The following AGBL4 variants were observed in gnomAD, a reference collection of about 807,000 sequenced individuals.
The protein encoded by AGBL4 is cytosolic carboxypeptidase 6.
A neutral mutation model predicts 66.4 loss-of-function variants in AGBL4; 58 were observed. The ratio of observed to expected loss-of-function variants is 0.87; its 90% confidence interval spans 0.71 to 1.09. The LOEUF (loss-of-function observed/expected upper bound fraction) is 1.09. AGBL4 is among the 50% of genes least tolerant of loss of function. AGBL4 has a pLI of 0.00. For synonymous variants in AGBL4, 234 were observed against 222.9 expected (o/e 1.05, Z -0.44); for missense variants, 579 against 631.0 (o/e 0.92, Z 0.88).
chr1:49,617,142 T>A (rs1421676526), intron 3 of AGBL4, among the ~76,000 whole-genome samples: 1 of 152,176 alleles, frequency 6.6e-6, no homozygotes, highest in Non-Finnish European at 1.5e-5. Flanking sequence ...TTTAGCCTCA[T>A]CTTCCATTAA....
chr1:49,491,890 ATATAT>A (rs1336474868), intron 3 of AGBL4, among the ~76,000 whole-genome samples: 1 of 151,974 alleles, frequency 6.6e-6, no homozygotes, highest in Non-Finnish European at 1.5e-5. Context: ...AAAACCCTGT[ATATAT>A]TATGTTTTCC....
intron 2 of AGBL4, among the ~76,000 whole-genome samples, chr1:49,730,546 AC>A (rs910911195): frequency 6.6e-6 from 1 of 152,138 alleles, no homozygotes; most frequent in Non-Finnish European, 1.5e-5. Context: ...CCAAGGAGTG[AC>A]AGAAGCTGTG....
chr1:49,290,173 T>C (rs1361879847), intron 3 of AGBL4, among the ~76,000 whole-genome samples: 1 of 152,210 alleles, frequency 6.6e-6, no homozygotes, highest in East Asian at 1.9e-4. Context: ...GACTATGGCA[T>C]GTAATAAACA....
chr1:49,195,639 C>G (rs1338514057), intron 4 of AGBL4, among the ~76,000 whole-genome samples: 5 of 152,112 alleles, frequency 3.3e-5, no homozygotes, highest in Non-Finnish European at 7.4e-5. Flanking sequence ...TGTATAAAGT[C>G]AATTTTGCAA....
At chr1:49,167,224 T>C (rs756994453) in intron 4 of AGBL4, among the ~76,000 whole-genome samples, 1 of 152,230 alleles carries the variant, frequency 6.6e-6, no homozygotes. Flanking sequence ...GTTAAACTTA[T>C]CTGCCTCTAG....
intron 5 of AGBL4, among the ~76,000 whole-genome samples, chr1:48,924,608 C>T (rs1002873429): frequency 6.6e-6 from 1 of 152,088 alleles, no homozygotes; most frequent in Non-Finnish European, 1.5e-5. Flanking sequence ...AGGATAAATT[C>T]AGGAGACATA....
chr1:48,566,542 G>A (rs778472655), intron 11 of AGBL4, among the ~76,000 whole-genome samples: 4 of 152,214 alleles, frequency 2.6e-5, no homozygotes, highest in South Asian at 2.1e-4. Context: ...TTAACTGTAC[G>A]TGTCAATTTG....
At chr1:49,346,795 A>C (rs1184763068) in intron 3 of AGBL4, among the ~76,000 whole-genome samples, 1 of 152,206 alleles carries the variant, frequency 6.6e-6, no homozygotes, top group East Asian at 1.9e-4. Flanking sequence ...CCCTTGTAAA[A>C]GAAAAGGGGG....
chr1:48,556,902 G>T (rs998493504), intron 11 of AGBL4, among the ~76,000 whole-genome samples: 6 of 152,128 alleles, frequency 3.9e-5, no homozygotes, highest in African/African-American at 1.4e-4. Context: ...CGATTCTGAT[G>T]CCTCAGCCTC....
In AGBL4 at chr1:49,746,149, T is replaced by A. The variant is rs563701419; in HGVS notation, c.158-48712A>T. Among the ~76,000 whole-genome samples, 4 of 152,046 alleles carry A rather than the reference T, an allele frequency of 2.6e-5. No homozygotes were observed. In the South Asian group the frequency reaches 8.3e-4, roughly 32 times the overall value. On this transcript the variant is annotated intron_variant, in intron 2 of 13. Coordinates refer to ENST00000371839, the MANE Select transcript of AGBL4 (RefSeq NM_032785.4). ...CCTCAGCGTCTCTGCTTGTATGCCATCAACACTTCCAGAAGAATGCATTCC... is the reference window on the plus strand; with the variant it reads ...CCTCAGCGTCTCTGCTTGTATGCCAACAACACTTCCAGAAGAATGCATTCC...
chr1:49,960,830 T>C (rs1219823975), intron 1 of AGBL4, among the ~76,000 whole-genome samples: 1 of 152,162 alleles, frequency 6.6e-6, no homozygotes, highest in East Asian at 1.9e-4. Flanking sequence ...TGAGTAAGTA[T>C]GTTTGTCTCT....
downstream of AGBL4, among the ~76,000 whole-genome samples, chr1:48,532,454 T>C (rs1016829160): frequency 6.6e-6 from 1 of 152,214 alleles, no homozygotes; most frequent in African/African-American, 2.4e-5. Flanking sequence ...CTGCTGTTTG[T>C]GTAGTCTATG....
At chr1:48,938,403 A>T (rs1208853744) in intron 5 of AGBL4, among the ~76,000 whole-genome samples, 1 of 152,252 alleles carries the variant, frequency 6.6e-6, no homozygotes, top group Non-Finnish European at 1.5e-5. Flanking sequence ...GTAATTATAC[A>T]TTGTAATAAG....
chr1:49,541,568 C>T (rs1167306), intron 3 of AGBL4, among the ~76,000 whole-genome samples: 2,640 of 152,312 alleles, frequency 0.017, 76 homozygotes, highest in African/African-American at 0.051. Flanking sequence ...GCTGCCTCTC[C>T]GCGGGGCAGG....
intron 3 of AGBL4, among the ~76,000 whole-genome samples, chr1:49,583,297 G>A (rs539836298): frequency 5.9e-5 from 9 of 152,142 alleles, no homozygotes; most frequent in Non-Finnish European, 1.2e-4. Flanking sequence ...ACTCCATGTG[G>A]ACACAGAAGC....
intron 1 of AGBL4, among the ~76,000 whole-genome samples, chr1:49,911,181 G>C (rs1365620628): frequency 6.6e-6 from 1 of 152,224 alleles, no homozygotes; most frequent in African/African-American, 2.4e-5. Context: ...TGTGGGAGTG[G>C]GGTTGTATAG....
intron 3 of AGBL4, among the ~76,000 whole-genome samples, chr1:49,572,115 T>G (rs1644343173): frequency 6.6e-6 from 1 of 152,182 alleles, no homozygotes; most frequent in Non-Finnish European, 1.5e-5. Context: ...TCTCTCCCAC[T>G]CAATATTTTG....
chr1:49,573,633 G>C (rs1274060339), intron 3 of AGBL4, among the ~76,000 whole-genome samples: 1 of 152,168 alleles, frequency 6.6e-6, no homozygotes, highest in African/African-American at 2.4e-5. Context: ...AATCTGCTAA[G>C]ATTGCCCTGA....
chr1:49,497,916 C>T (rs1647757250), intron 3 of AGBL4, among the ~76,000 whole-genome samples: 2 of 151,942 alleles, frequency 1.3e-5, no homozygotes, highest in Admixed American at 1.3e-4. Context: ...TGTAAAATGT[C>T]ATTAGAATTT....
Sources: allele counts gnomAD v4.1 joint callset (sites outside exome capture counted in the v4.1 genomes callset), GRCh38; gene constraint gnomAD v4.1.1; transcripts MANE v1.5; gene names NCBI Gene and HGNC (gene_info 2026-07-23, HGNC 2026-07-21).